SLC7A1: variants seen among roughly 807,000 people sequenced by gnomAD.
The protein encoded by SLC7A1 is high affinity cationic amino acid transporter 1.
SLC7A1 carries 10 observed loss-of-function variants against 53.9 expected under a neutral mutation model. The observed-to-expected ratio is 0.19, with a 90% CI of 0.11 to 0.31. The LOEUF (loss-of-function observed/expected upper bound fraction) is 0.31, where lower values mean the gene tolerates loss of function less well. SLC7A1 is among the 10% of genes least tolerant of loss of function. The pLI is 1.00. For missense variants in SLC7A1, 525 were observed against 827.2 expected (o/e 0.63, Z 4.48); for synonymous variants, 342 against 338.7 (o/e 1.01, Z -0.11).
At chr13:29,516,519 G>C (rs960491045) in intron 11 of SLC7A1, among the ~76,000 whole-genome samples, 1 of 152,184 alleles carries the variant, frequency 6.6e-6, no homozygotes, top group African/African-American at 2.4e-5. Context: ...ATTTTTCTCT[G>C]TTGCGATTCT....
chr13:29,549,451 C>T (rs968907928), intron 2 of SLC7A1, among the ~76,000 whole-genome samples: 7 of 152,154 alleles, frequency 4.6e-5, no homozygotes, highest in Non-Finnish European at 8.8e-5. Flanking sequence ...TTGCTTTCAT[C>T]GAAGGCACCA....
At chr13:29,532,737 T>C in intron 4 of SLC7A1, 87 bp downstream of exon 4, 2 of 1,186,402 alleles carry the variant, frequency 1.7e-6, no homozygotes, top group East Asian at 2.4e-5. Context: ...GTTAAAGAGA[T>C]AAGTAAAGAA....
intron 2 of SLC7A1, among the ~76,000 whole-genome samples, chr13:29,537,947 G>A (rs920331246): frequency 6.6e-6 from 1 of 152,160 alleles, no homozygotes; most frequent in Admixed American, 6.5e-5. Context: ...CCGGGCGGGC[G>A]CAGTGCAGCA....
At chr13:29,551,791 T>C (rs555312997) in intron 2 of SLC7A1, among the ~76,000 whole-genome samples, 17 of 152,270 alleles carry the variant, frequency 1.1e-4, no homozygotes, top group Admixed American at 9.8e-4. Flanking sequence ...CAACACACAG[T>C]GGCTTCTGGC....
chr13:29,552,268 C>T (rs567021029), intron 2 of SLC7A1, among the ~76,000 whole-genome samples: 90 of 152,216 alleles, frequency 5.9e-4, no homozygotes, highest in Non-Finnish European at 1.0e-3. Flanking sequence ...CACACACACA[C>T]ACTTTCCCTC....
intron 3 of SLC7A1, among the ~76,000 whole-genome samples, chr13:29,533,367 A>G (rs1869262892): frequency 6.6e-6 from 1 of 152,226 alleles, no homozygotes; most frequent in African/African-American, 2.4e-5. Context: ...CTCATGAAAA[A>G]TTGATTTCAT....
At chr13:29,569,789 GTCC>G (rs139241565) in intron 1 of SLC7A1, among the ~76,000 whole-genome samples, 2,144 of 152,244 alleles carry the variant, frequency 0.014, 51 homozygotes, top group African/African-American at 0.049. Context: ...GCAACCATCA[GTCC>G]TCATTTCATA....
intron 2 of SLC7A1, 63 bp from the exon 3 acceptor site, chr13:29,536,265 A>C: frequency 6.8e-7 from 1 of 1,476,488 alleles, no homozygotes; most frequent in South Asian, 1.3e-5. Context: ...CTCTAATCTT[A>C]TCACATTATG....
intron 1 of SLC7A1, among the ~76,000 whole-genome samples, chr13:29,589,766 G>T (rs879684174): frequency 3.4e-4 from 52 of 152,206 alleles, no homozygotes; most frequent in Admixed American, 2.7e-3. Flanking sequence ...GGCCTATCCC[G>T]AGACAGGCTG....
chr13:29,564,387 T>C (rs1474849473), intron 1 of SLC7A1, among the ~76,000 whole-genome samples: 1 of 152,198 alleles, frequency 6.6e-6, no homozygotes, highest in East Asian at 1.9e-4. Context: ...GCCAAGCCTT[T>C]GAAGGTTATA....
chr13:29,529,909 G>A (rs543803862), intron 5 of SLC7A1, among the ~76,000 whole-genome samples: 1 of 152,258 alleles, frequency 6.6e-6, no homozygotes, highest in Admixed American at 6.5e-5. Context: ...CTGGGCGAGA[G>A]ACCTGAGATG....
chr13:29,546,218 G>A (rs1268383924), intron 2 of SLC7A1, among the ~76,000 whole-genome samples: 4 of 152,212 alleles, frequency 2.6e-5, no homozygotes, highest in African/African-American at 9.7e-5. Context: ...TACACAGTGG[G>A]AGCTTCCACG....
At chr13:29,524,355 C>T (rs1868785403) in intron 5 of SLC7A1, 102 bp from the exon 6 acceptor site, 1 of 1,462,258 alleles carries the variant, frequency 6.8e-7, no homozygotes. Flanking sequence ...GGCAGTCAGC[C>T]CTCCCTGTTA....
intron 1 of SLC7A1, among the ~76,000 whole-genome samples, chr13:29,567,672 C>A (rs1009578793): frequency 8.5e-5 from 13 of 152,182 alleles, no homozygotes; most frequent in Non-Finnish European, 1.9e-4. Flanking sequence ...GCATCCCTCC[C>A]ACGGATGCAA....
chr13:29,521,751 T>C (rs1455160174), intron 8 of SLC7A1, among the ~76,000 whole-genome samples: 1 of 152,184 alleles, frequency 6.6e-6, no homozygotes, highest in Admixed American at 6.5e-5. Flanking sequence ...TCCATCAAAA[T>C]GGTCCTCTCA....
In SLC7A1 at chr13:29,570,827, G is replaced by A. The variant is rs529702141; in HGVS notation, c.-114-16967C>T. Among the ~76,000 whole-genome samples the A allele has an allele frequency of 2.5e-4, 37 of 150,130 alleles. No individual in the cohort carries two copies. In the South Asian group the frequency reaches 7.9e-3, roughly 32 times the overall value. On this transcript the variant is annotated intron_variant, in intron 1 of 12. Transcript: ENST00000380752. Reference sequence around the variant, plus strand: ...GAGCCATGATCATGCCACTGCACTTGGGTCTGGGCAACAAAGAGAGACTTT... The same window carrying A: ...GAGCCATGATCATGCCACTGCACTTAGGTCTGGGCAACAAAGAGAGACTTT...
chr13:29,577,374 C>T (rs1054087617), intron 1 of SLC7A1, among the ~76,000 whole-genome samples: 12 of 152,190 alleles, frequency 7.9e-5, no homozygotes, highest in African/African-American at 1.2e-4. Context: ...GCCAAATACA[C>T]GAGTCAGCTC....
Position 29,514,402 on chromosome 13 carries a change from G to C in SLC7A1, c.*78C>G, listed in dbSNP as rs1188417939. 4 of 1,005,942 alleles carry C rather than the reference G, an allele frequency of 4.0e-6. No individual in the cohort carries two copies. The highest frequency in any genetic ancestry group is 3.6e-5 in the Admixed American group (2 of 55,418). 62.3% of individuals were successfully genotyped at this position (1,005,942 alleles called of 1,614,324 possible). A position where few individuals can be genotyped will look rare whatever the true frequency, so the allele number is the denominator to read the frequency against. On this transcript the variant is annotated 3_prime_UTR_variant, in exon 13 of 13. Transcript: ENST00000380752. ...CGCAGGTGGTTTCTGTTGCACTGGT[G>C]GGGAGGGTGGGGTGCCTCCCGGTCC...
chr13:29,552,572 C>T (rs2139134212), intron 2 of SLC7A1, among the ~76,000 whole-genome samples: 1 of 152,228 alleles, frequency 6.6e-6, no homozygotes, highest in Middle Eastern at 3.4e-3. Context: ...CAAGGAACAC[C>T]TGGCCCACCG....
Sources: gnomAD v4.1 joint callset for allele counts (sites outside exome capture counted in the v4.1 genomes callset) on GRCh38, gnomAD v4.1.1 for gene constraint, MANE v1.5 for transcripts, NCBI Gene and HGNC (gene_info 2026-07-23, HGNC 2026-07-21) for gene names.